The following EP300 variants were observed in gnomAD, a reference collection of about 807,000 sequenced individuals.
EP300 encodes the protein EP300 lysine acetyltransferase.
In EP300, 31 loss-of-function variants were observed where a neutral mutation model predicts 264.0. That is an observed-to-expected ratio of 0.12 (90% CI 0.09 to 0.16). The LOEUF (loss-of-function observed/expected upper bound fraction) is 0.16. EP300 is among the 10% of genes least tolerant of loss of function. The pLI is 1.00. For missense variants in EP300, 2,766 were observed against 3,052.9 expected (o/e 0.91, Z 2.21); for synonymous variants, 1,340 against 1,045.4 (o/e 1.28, Z -5.44).
At chr22:41,134,957 G>A (rs560835703) in intron 6 of EP300, among the ~76,000 whole-genome samples, 17 of 151,846 alleles carry the variant, frequency 1.1e-4, no homozygotes, top group Non-Finnish European at 2.1e-4. Flanking sequence ...GCCCAGGCTG[G>A]AGTGTAGTGG....
At position 41,150,193 on chromosome 22, in the gene EP300, A is replaced by G. The variant is rs2145737964; in HGVS notation, c.2812A>G (p.Thr938Ala). 1 of 1,605,410 alleles carries G rather than the reference A, an allele frequency of 6.2e-7. No homozygotes were observed. Among genetic ancestry groups the G allele is most frequent in the South Asian group, 1.1e-5 (1 of 90,658 alleles). The change falls in exon 14 of 31, where the codon ACT becomes GCT. Residue 938 changes from threonine (T) to alanine (A), a missense_variant. Physicochemically the swap from Thr to Ala is moderately conservative, Grantham distance 58 (BLOSUM62 0). Transcript: ENST00000263253. ...TAPLLPPQPA[T>A]PLSQPAVSIE... ...ACCGCTGCTTCCTCCGCAGCCTGCA[A>G]CTCCAGTAAGTAGAGATTTGGATTT...
intron 16 of EP300, among the ~76,000 whole-genome samples, chr22:41,154,545 T>C (rs987659114): frequency 6.6e-6 from 1 of 151,788 alleles, no homozygotes; most frequent in African/African-American, 2.4e-5. Context: ...GTCCGACTAA[T>C]TTTTTATATT....
intron 1 of EP300, 128 bp downstream of exon 1, chr22:41,093,226 T>C: frequency 1.0e-6 from 1 of 976,638 alleles, no homozygotes; most frequent in Non-Finnish European, 1.5e-6. Context: ...TTTAAAGGTA[T>C]TTGAATGAGC....
chr22:41,106,190 T>C (rs1460406374), intron 1 of EP300, among the ~76,000 whole-genome samples: 1 of 152,212 alleles, frequency 6.6e-6, no homozygotes, highest in Non-Finnish European at 1.5e-5. Context: ...AATTTCTCAT[T>C]TTAAAAGCTA....
intron 15 of EP300, 36 bp from the exon 16 acceptor site, chr22:41,152,170 C>A (rs775611620): frequency 1.9e-6 from 3 of 1,608,514 alleles, no homozygotes; most frequent in Non-Finnish European, 2.6e-6. Context: ...AACTAGATAT[C>A]TTTGGAATAC....
At chr22:41,134,573 T>G (rs2058939331) in intron 6 of EP300, among the ~76,000 whole-genome samples, 2 of 152,184 alleles carry the variant, frequency 1.3e-5, no homozygotes, top group Non-Finnish European at 2.9e-5. Flanking sequence ...TTTTGTATGT[T>G]TTGTAGAGAC....
At chr22:41,132,123 GA>G in intron 6 of EP300, among the ~76,000 whole-genome samples, 1 of 150,868 alleles carries the variant, frequency 6.6e-6, no homozygotes, top group Non-Finnish European at 1.5e-5. Context: ...TTGAACCTGG[GA>G]GGCAGAGGTT....
chr22:41,098,650 C>T (rs2058715090), intron 1 of EP300, among the ~76,000 whole-genome samples: 1 of 152,126 alleles, frequency 6.6e-6, no homozygotes, highest in East Asian at 1.9e-4. Flanking sequence ...GGATTACAGG[C>T]GTGAGCCATA....
At chr22:41,108,708 G>T (rs893293630) in intron 1 of EP300, among the ~76,000 whole-genome samples, 6 of 152,178 alleles carry the variant, frequency 3.9e-5, no homozygotes, top group African/African-American at 1.4e-4. Flanking sequence ...TTGTATTGGA[G>T]CATCATTAAA....
intron 2 of EP300, among the ~76,000 whole-genome samples, chr22:41,125,621 A>G (rs1022155015): frequency 2.0e-5 from 3 of 152,142 alleles, no homozygotes; most frequent in East Asian, 1.9e-4. Flanking sequence ...GGCTTCACTG[A>G]TAATCCCACT....
intron 18 of EP300, among the ~76,000 whole-genome samples, chr22:41,158,055 G>T (rs2059087373): frequency 6.6e-6 from 1 of 152,132 alleles, no homozygotes; most frequent in Admixed American, 6.6e-5. Flanking sequence ...TTGGTTTTTT[G>T]TTTTTAAAAT....
chr22:41,115,127 T>C (rs1421778775), intron 1 of EP300, among the ~76,000 whole-genome samples: 1 of 152,186 alleles, frequency 6.6e-6, no homozygotes, highest in Non-Finnish European at 1.5e-5. Flanking sequence ...ATGTGAAAAC[T>C]ACTTTAGAGA....
rs2059205609 is a variant in EP300 at position 41,177,224 on chromosome 22, C to G, written c.5513C>G (p.Thr1838Ser). 6.2e-7 allele frequency: 1 copy of G among 1,614,016 alleles called. No individual in the cohort carries two copies. Residue 1838 changes from threonine to serine, a missense_variant, in exon 31 of 31, where the codon ACT becomes AGT. Transcript: ENST00000263253. ...LRRRMASMQR[T>S]GVVGQQQGLP... ...AGGAGGATGGCCAGCATGCAGCGGA[C>G]TGGTGTGGTTGGGCAGCAACAGGGC...
chr22:41,120,219 A>T (rs1180347998), intron 2 of EP300, among the ~76,000 whole-genome samples: 2 of 152,190 alleles, frequency 1.3e-5, no homozygotes, highest in African/African-American at 4.8e-5. Flanking sequence ...TAAGTTATGT[A>T]GGTTTAGGAT....
rs780678002 is a variant in EP300 at position 41,177,516 on chromosome 22, A to G, written c.5805A>G (p.Ala1935=). ...AVEMAMQIQR[A]AETQRQMAHV... ...AAATGGCAATGCAGATTCAGAGAGC[A>G]GCGGAGACGCAGCGCCAGATGGCCC... Residue 1935 remains alanine, a synonymous_variant, in exon 31 of 31, where the codon GCA becomes GCG. Coordinates refer to ENST00000263253, the MANE Select transcript of EP300 (RefSeq NM_001429.4). 4 of 1,614,096 alleles carry G rather than the reference A, an allele frequency of 2.5e-6. No homozygotes were observed. The African/African-American group carries it at 4.0e-5, about 16-fold the overall frequency.
At chr22:41,131,707 G>A in intron 6 of EP300, 74 bp downstream of exon 6, 22 of 1,601,988 alleles carry the variant, frequency 1.4e-5, no homozygotes, top group East Asian at 2.2e-5. Context: ...AGTGTTGTTA[G>A]CTCCTTTTTA....
chr22:41,140,962 T>C (rs973745906), intron 9 of EP300, 86 bp from the exon 10 acceptor site: 1 of 1,265,838 alleles, frequency 7.9e-7, no homozygotes, highest in Non-Finnish European at 1.1e-6. Context: ...ATGAAACTAA[T>C]ATCTATTCTC....
intron 3 of EP300, chr22:41,126,344 G>A (rs1450377201): frequency 9.7e-6 from 3 of 309,664 alleles, no homozygotes; most frequent in Non-Finnish European, 1.2e-5. Flanking sequence ...CATACGATAC[G>A]AAAGCGGAAC....
chr22:41,175,016 G>A (rs192962015), intron 29 of EP300, among the ~76,000 whole-genome samples: 21 of 150,910 alleles, frequency 1.4e-4, no homozygotes, highest in African/African-American at 5.1e-4. Flanking sequence ...CATTATCTCA[G>A]CCATGCTAGT....
Sources: allele counts gnomAD v4.1 joint callset (sites outside exome capture counted in the v4.1 genomes callset), GRCh38; gene constraint gnomAD v4.1.1; transcripts MANE v1.5; gene names NCBI Gene and HGNC (gene_info 2026-07-23, HGNC 2026-07-21).